The following LDLRAD4 variants were observed in gnomAD, a reference collection of about 807,000 sequenced individuals.
The protein encoded by LDLRAD4 is low-density lipoprotein receptor class A domain-containing protein 4.
Under a neutral mutation model 17.0 loss-of-function variants are expected in LDLRAD4, and 5 were observed. That is an observed-to-expected ratio of 0.29 (90% confidence interval 0.15 to 0.62). The LOEUF (loss-of-function observed/expected upper bound fraction) is 0.62, where lower values mean the gene tolerates loss of function less well. Among genes scored for constraint, LDLRAD4 ranks in the 20% least tolerant of loss-of-function variants. The probability of loss-of-function intolerance (pLI) is 0.84; values close to 1 mark genes in which losing one functional copy is unlikely to be tolerated. For synonymous variants in LDLRAD4, 168 were observed against 171.8 expected (o/e 0.98, Z 0.17); for missense variants, 340 against 424.7 (o/e 0.80, Z 1.75).
chr18:13,494,016 C>T (rs963133342), intron 3 of LDLRAD4, among the ~76,000 whole-genome samples: 9 of 152,184 alleles, frequency 5.9e-5, no homozygotes, highest in Middle Eastern at 3.2e-3. Context: ...GTGTGGAGGC[C>T]GCCTTCCTGG....
chr18:13,318,496 A>G (rs1352949748), intron 1 of LDLRAD4, among the ~76,000 whole-genome samples: 1 of 152,184 alleles, frequency 6.6e-6, no homozygotes, highest in Non-Finnish European at 1.5e-5. Context: ...TCCTGACCTC[A>G]GGAGATTTAC....
intron 3 of LDLRAD4, among the ~76,000 whole-genome samples, chr18:13,492,171 G>T (rs1218533723): frequency 6.6e-6 from 1 of 152,138 alleles, no homozygotes; most frequent in South Asian, 2.1e-4. Context: ...CCACGCTCTT[G>T]TCCCCAGAAT....
chr18:13,575,761 C>T (rs1292303649), intron 3 of LDLRAD4, among the ~76,000 whole-genome samples: 1 of 152,188 alleles, frequency 6.6e-6, no homozygotes, highest in Non-Finnish European at 1.5e-5. Context: ...TGGATTAAGG[C>T]CATTCTTGCG....
chr18:13,274,597 T>C (rs886853083), upstream of LDLRAD4, among the ~76,000 whole-genome samples: 5 of 152,198 alleles, frequency 3.3e-5, no homozygotes, highest in Admixed American at 2.0e-4. Flanking sequence ...GAGTGATTGA[T>C]GAAGAAGTGG....
intron 1 of LDLRAD4, among the ~76,000 whole-genome samples, chr18:13,224,442 G>A (rs2041639469): frequency 6.7e-6 from 1 of 149,976 alleles, no homozygotes; most frequent in Admixed American, 6.6e-5. Context: ...TTCATCCCAG[G>A]ACAAAGAGCA....
intron 3 of LDLRAD4, among the ~76,000 whole-genome samples, chr18:13,518,025 C>T (rs1422544399): frequency 1.3e-5 from 2 of 152,176 alleles, no homozygotes; most frequent in Non-Finnish European, 2.9e-5. Context: ...TGAGCCACCG[C>T]GCCCGGCCAT....
At chr18:13,495,553 G>A (rs2093451265) in intron 3 of LDLRAD4, among the ~76,000 whole-genome samples, 1 of 152,202 alleles carries the variant, frequency 6.6e-6, no homozygotes, top group South Asian at 2.1e-4. Flanking sequence ...GTATAAGATG[G>A]TGTCACTAAT....
chr18:13,571,706 A>G (rs1025678745), intron 3 of LDLRAD4, among the ~76,000 whole-genome samples: 8 of 152,094 alleles, frequency 5.3e-5, no homozygotes, highest in Non-Finnish European at 1.2e-4. Flanking sequence ...GTATGATCTC[A>G]GCTCACTGCA....
chr18:13,635,079 T>C (rs1183355668), intron 4 of LDLRAD4, among the ~76,000 whole-genome samples: 2 of 152,174 alleles, frequency 1.3e-5, no homozygotes, highest in Non-Finnish European at 2.9e-5. Context: ...TTAACTCAAA[T>C]GGACAAAAAT....
intron 3 of LDLRAD4, among the ~76,000 whole-genome samples, chr18:13,459,772 T>C (rs1323909981): frequency 3.3e-5 from 5 of 152,182 alleles, no homozygotes; most frequent in Non-Finnish European, 5.9e-5. Flanking sequence ...TAGAAAGATA[T>C]TGCTTAAATA....
chr18:13,271,870 C>T (rs1023859211), intron 1 of LDLRAD4, among the ~76,000 whole-genome samples: 3 of 150,460 alleles, frequency 2.0e-5, no homozygotes, highest in African/African-American at 2.4e-5. Context: ...AAGTCAGTTT[C>T]CACCCCACCC....
intron 2 of LDLRAD4, among the ~76,000 whole-genome samples, chr18:13,404,797 C>CA (rs751734866): frequency 0.019 from 2,193 of 117,260 alleles, 48 homozygotes; most frequent in African/African-American, 0.053. Flanking sequence ...AACTCCGTCT[C>CA]AAAAAAAAAA....
intron 1 of LDLRAD4, among the ~76,000 whole-genome samples, chr18:13,334,056 G>A (rs916097257): frequency 2.0e-5 from 3 of 152,128 alleles, no homozygotes; most frequent in African/African-American, 7.2e-5. Flanking sequence ...GTCCATTTAT[G>A]TAGTTCCTCT....
intron 2 of LDLRAD4, among the ~76,000 whole-genome samples, chr18:13,412,052 C>T (rs1289917463): frequency 1.3e-5 from 2 of 152,168 alleles, no homozygotes; most frequent in Non-Finnish European, 2.9e-5. Context: ...CTATGTTGCC[C>T]AGGCTGGTCT....
At chr18:13,447,980 A>G (rs1009682655) in intron 3 of LDLRAD4, among the ~76,000 whole-genome samples, 8 of 152,206 alleles carry the variant, frequency 5.3e-5, no homozygotes, top group African/African-American at 1.4e-4. Flanking sequence ...GGGGAGGCCA[A>G]GGGGTGGCCG....
chr18:13,612,838 G>C (rs2039728366), intron 3 of LDLRAD4: 1 of 1,602,476 alleles, frequency 6.2e-7, no homozygotes, highest in Non-Finnish European at 8.5e-7. Context: ...GGTTCTTCTT[G>C]GAGTTTGGTC....
intron 1 of LDLRAD4, among the ~76,000 whole-genome samples, chr18:13,330,916 G>C (rs1321210153): frequency 1.3e-5 from 2 of 152,190 alleles, no homozygotes; most frequent in Non-Finnish European, 2.9e-5. Context: ...CAAAGGACTG[G>C]GGTCCAAGAG....
At chr18:13,652,321 C>T (rs544996941) in exon 6 of LDLRAD4, 4 of 152,188 alleles carry the variant, frequency 2.6e-5, no homozygotes, top group Non-Finnish European at 5.9e-5. Flanking sequence ...TTTCAAAAAT[C>T]ATGCTAATTG....
intron 1 of LDLRAD4, among the ~76,000 whole-genome samples, chr18:13,313,566 A>C (rs2080767759): frequency 6.6e-6 from 1 of 152,196 alleles, no homozygotes; most frequent in African/African-American, 2.4e-5. Flanking sequence ...AGAGCTTCAG[A>C]ACTGCCTTCC....
Sources: gnomAD v4.1 joint callset for allele counts (sites outside exome capture counted in the v4.1 genomes callset) on GRCh38, gnomAD v4.1.1 for gene constraint, MANE v1.5 for transcripts, NCBI Gene and HGNC (gene_info 2026-07-23, HGNC 2026-07-21) for gene names.